The following EDIL3 variants were observed in gnomAD, a reference collection of about 807,000 sequenced individuals.
EDIL3 encodes EGF-like repeat and discoidin I-like domain-containing protein 3.
Under a neutral mutation model 67.4 loss-of-function variants are expected in EDIL3, and 37 were observed. The ratio of observed to expected loss-of-function variants is 0.55; its 90% CI spans 0.42 to 0.72. The LOEUF is 0.72. Ranked by LOEUF, EDIL3 falls within the 30% of genes least tolerant of loss-of-function variation. EDIL3 has a pLI of 0.00. For synonymous variants in EDIL3, 195 were observed against 196.3 expected (o/e 0.99, Z 0.05); for missense variants, 527 against 586.3 (o/e 0.90, Z 1.04).
chr5:84,134,983 T>C (rs181995646), intron 5 of EDIL3, among the ~76,000 whole-genome samples: 186 of 152,298 alleles, frequency 1.2e-3, no homozygotes, highest in Non-Finnish European at 2.0e-3. Flanking sequence ...CATGAAAAAC[T>C]GGTTGGAAGA....
chr5:84,370,521 T>G (rs1308781159), intron 1 of EDIL3, among the ~76,000 whole-genome samples: 3 of 152,208 alleles, frequency 2.0e-5, no homozygotes, highest in Non-Finnish European at 4.4e-5. Flanking sequence ...ATATGATAAT[T>G]AAAAACACCA....
At chr5:84,123,056 G>GT (rs1561437944) in intron 5 of EDIL3, among the ~76,000 whole-genome samples, 1 of 151,816 alleles carries the variant, frequency 6.6e-6, no homozygotes, top group Non-Finnish European at 1.5e-5. Context: ...CTCTCACTGT[G>GT]TATTTTCTCT....
intron 9 of EDIL3, 35 bp from the exon 10 acceptor site, chr5:83,963,395 A>G: frequency 2.6e-6 from 4 of 1,554,236 alleles, no homozygotes; most frequent in Non-Finnish European, 3.5e-6. Context: ...TTTAAATGCG[A>G]CAACCAAGTT....
intron 9 of EDIL3, among the ~76,000 whole-genome samples, chr5:84,006,406 CT>C (rs1225572663): frequency 1.3e-5 from 2 of 150,772 alleles, no homozygotes; most frequent in African/African-American, 4.8e-5. Context: ...AATCATGTCC[CT>C]TGCAGCAATA....
chr5:84,364,925 T>G (rs1045280463), intron 1 of EDIL3, among the ~76,000 whole-genome samples: 1 of 152,028 alleles, frequency 6.6e-6, no homozygotes, highest in African/African-American at 2.4e-5. Context: ...TGGGAAACCA[T>G]AGAGTGTTAT....
At chr5:84,100,366 C>A (rs769587568) in intron 6 of EDIL3, among the ~76,000 whole-genome samples, 2 of 152,034 alleles carry the variant, frequency 1.3e-5, no homozygotes, top group African/African-American at 4.8e-5. Context: ...GAATGAGGCA[C>A]GTATACACCA....
chr5:84,000,436 A>T (rs962864844), intron 9 of EDIL3, among the ~76,000 whole-genome samples: 1 of 152,164 alleles, frequency 6.6e-6, no homozygotes, highest in African/African-American at 2.4e-5. Context: ...AGTTTTTATT[A>T]GTTTTCTCTT....
chr5:84,230,763 A>ATGTGTGCGTGTGTG (rs1554037233), intron 2 of EDIL3, among the ~76,000 whole-genome samples: 13 of 137,130 alleles, frequency 9.5e-5, no homozygotes, highest in African/African-American at 3.6e-4. Context: ...CCACTACGTG[A>ATGTGTGCGTGTGTG]TGTGTGTGTG....
At chr5:84,130,842 A>G (rs946938161) in intron 5 of EDIL3, among the ~76,000 whole-genome samples, 20 of 152,234 alleles carry the variant, frequency 1.3e-4, no homozygotes, top group African/African-American at 4.8e-4. Context: ...ATATGTTTTG[A>G]TAGCCTTTTA....
intron 3 of EDIL3, among the ~76,000 whole-genome samples, chr5:84,193,743 T>G (rs1295573931): frequency 6.6e-6 from 1 of 151,954 alleles, no homozygotes. Context: ...TAATGAACAA[T>G]TTAACATGTA....
chr5:84,345,585 T>C (rs1322898547), intron 1 of EDIL3, among the ~76,000 whole-genome samples: 2 of 152,284 alleles, frequency 1.3e-5, no homozygotes, highest in African/African-American at 4.8e-5. Flanking sequence ...AAAAAGTTCA[T>C]GTCACAATTA....
At chr5:84,062,551 A>AGAAT (rs1473904010) in intron 8 of EDIL3, among the ~76,000 whole-genome samples, 3 of 152,134 alleles carry the variant, frequency 2.0e-5, no homozygotes, top group Admixed American at 6.6e-5. Flanking sequence ...ATTGGTTCAT[A>AGAAT]GAATGAATGA....
chr5:84,313,516 T>A (rs1045331885), intron 1 of EDIL3, among the ~76,000 whole-genome samples: 1 of 152,188 alleles, frequency 6.6e-6, no homozygotes, highest in Admixed American at 6.5e-5. Context: ...GTACTAGTGG[T>A]ATTAAGCTAG....
rs148056315 is a variant in EDIL3, at chr5:84,090,458, C to A, written c.651+16191G>T. On this transcript the variant is annotated intron_variant, in intron 6 of 10. Coordinates refer to ENST00000296591, the MANE Select transcript of EDIL3 (RefSeq NM_005711.5). ...CACGGTAGTGATTTCTACATTTTCT[C>A]GGGATAACCAATATCAAAATTCGCT... 2.6e-5 allele frequency among the ~76,000 whole-genome samples: 4 copies of A among 152,048 alleles called. No individual in the cohort carries two copies. The South Asian group carries it at 8.3e-4, about 32-fold the overall frequency.
At chr5:84,351,760 G>GA (rs1245671081) in intron 1 of EDIL3, among the ~76,000 whole-genome samples, 1 of 151,782 alleles carries the variant, frequency 6.6e-6, no homozygotes, top group East Asian at 1.9e-4. Flanking sequence ...AAAATTTATG[G>GA]AAACAATAGC....
At chr5:83,985,068 T>C (rs1345189923) in intron 9 of EDIL3, among the ~76,000 whole-genome samples, 1 of 152,044 alleles carries the variant, frequency 6.6e-6, no homozygotes, top group Non-Finnish European at 1.5e-5. Flanking sequence ...CCTGGATTCC[T>C]TCTTTTTCCC....
At chr5:83,951,661 A>G (rs1475868529) in intron 10 of EDIL3, among the ~76,000 whole-genome samples, 1 of 151,732 alleles carries the variant, frequency 6.6e-6, no homozygotes, top group Non-Finnish European at 1.5e-5. Context: ...AGTTGACATG[A>G]AAGCTGGTTT....
rs1488068500 is a variant in EDIL3 at position 83,941,985 on chromosome 5, G to T, written c.*1434C>A. The T allele has an allele frequency of 6.6e-6, 1 of 151,982 alleles. No homozygotes were observed. The highest frequency in any genetic ancestry group is 1.5e-5 in the Non-Finnish European group (1 of 67,934). The allele number at this position is 151,982 out of a possible 1,614,324, so 9.4% of individuals were successfully genotyped here. On this transcript the variant is annotated 3_prime_UTR_variant, in exon 11 of 11. Coordinates refer to ENST00000296591, the MANE Select transcript of EDIL3 (RefSeq NM_005711.5). ...CAAATATTAAAGGAAAAAAATAGCA[G>T]TGTTGCGTAGGATCTTAACATTTCA...
intron 5 of EDIL3, among the ~76,000 whole-genome samples, chr5:84,120,323 A>C (rs1747753859): frequency 6.6e-6 from 1 of 152,026 alleles, no homozygotes; most frequent in Non-Finnish European, 1.5e-5. Flanking sequence ...CTGAGTGATT[A>C]TTCTTAATAT....
Sources: gnomAD v4.1 joint callset for allele counts (sites outside exome capture counted in the v4.1 genomes callset) on GRCh38, gnomAD v4.1.1 for gene constraint, MANE v1.5 for transcripts, NCBI Gene and HGNC (gene_info 2026-07-23, HGNC 2026-07-21) for gene names.